The following SH3BP5 variants were observed in gnomAD, a reference collection of about 807,000 sequenced individuals.
SH3BP5 encodes SH3 domain binding protein 5.
A neutral mutation model predicts 43.3 loss-of-function variants in SH3BP5; 22 were observed. The observed-to-expected ratio is 0.51, with a 90% CI of 0.36 to 0.73. The LOEUF (loss-of-function observed/expected upper bound fraction) is 0.73, where lower values mean the gene tolerates loss of function less well. Ranked by LOEUF, SH3BP5 falls within the 30% of genes least tolerant of loss-of-function variation. SH3BP5 has a pLI of 0.00. For synonymous variants in SH3BP5, 255 were observed against 225.8 expected, an observed-to-expected ratio of 1.13 and a Z score of -1.16; for missense variants, 529 against 586.9, an observed-to-expected ratio of 0.90 and a Z score of 1.02.
At chr3:15,314,596 T>G (rs1473554457) in intron 2 of SH3BP5, among the ~76,000 whole-genome samples, 2 of 152,142 alleles carry the variant, frequency 1.3e-5, no homozygotes, top group East Asian at 3.9e-4. Context: ...GGGGTATGGA[T>G]GAAGACCACC....
intron 6 of SH3BP5, chr3:15,259,527 T>C (rs937085358): frequency 9.8e-6 from 6 of 610,486 alleles, no homozygotes; most frequent in Non-Finnish European, 1.8e-5. Flanking sequence ...AAGAGCATGC[T>C]GTGAGAACCA....
chr3:15,312,827 T>C (rs1441514959), intron 2 of SH3BP5, among the ~76,000 whole-genome samples: 1 of 152,190 alleles, frequency 6.6e-6, no homozygotes, highest in African/African-American at 2.4e-5. Context: ...CTGAAAGTCA[T>C]AAGTTGTACC....
intron 7 of SH3BP5, 193 bp downstream of exon 7, chr3:15,258,638 C>T: frequency 1.7e-6 from 1 of 574,276 alleles, no homozygotes; most frequent in South Asian, 2.3e-5. Context: ...CCACAGAATC[C>T]TGACTTTGAG....
intron 2 of SH3BP5, among the ~76,000 whole-genome samples, chr3:15,309,123 T>G (rs116084522): frequency 1.8e-3 from 275 of 152,176 alleles, no homozygotes; most frequent in African/African-American, 6.2e-3. Context: ...TGTCCACAGA[T>G]AGTCACTCAA....
intron 2 of SH3BP5, among the ~76,000 whole-genome samples, chr3:15,307,198 G>T (rs1048807660): frequency 3.3e-5 from 5 of 152,100 alleles, no homozygotes; most frequent in African/African-American, 1.2e-4. Context: ...CTTTCCCCTG[G>T]TTCTGTGCCA....
intron 4 of SH3BP5, among the ~76,000 whole-genome samples, chr3:15,268,523 C>CA (rs1396357617): frequency 6.6e-6 from 1 of 152,124 alleles, no homozygotes; most frequent in Non-Finnish European, 1.5e-5. Context: ...GGAATCTAGA[C>CA]AGAGAATGCA....
rs931776260 is a variant in SH3BP5, at chr3:15,340,365, G to A, written c.-402+858C>T. On this transcript the variant is annotated intron_variant, in intron 1 of 8. Coordinates refer to the SH3BP5 transcript ENST00000408919. Reference sequence around the variant, plus strand: ...CAAGTATTTATTGGCCATCTATTATGTGACAGCCTCTGGCAAGTGAAAATA... The same window carrying A: ...CAAGTATTTATTGGCCATCTATTATATGACAGCCTCTGGCAAGTGAAAATA... 3.3e-5 allele frequency among the ~76,000 whole-genome samples: 5 copies of A among 152,234 alleles called. No homozygotes were observed. In the East Asian group the frequency reaches 7.7e-4, roughly 23 times the overall value.
At chr3:15,300,063 CTCACA>C (rs1376559711) in intron 3 of SH3BP5, among the ~76,000 whole-genome samples, 2 of 152,078 alleles carry the variant, frequency 1.3e-5, no homozygotes, top group African/African-American at 4.8e-5. Flanking sequence ...AGGACCTTCT[CTCACA>C]TAATAATAAT....
intron 2 of SH3BP5, among the ~76,000 whole-genome samples, chr3:15,316,418 T>C (rs1698186711): frequency 6.6e-6 from 1 of 151,762 alleles, no homozygotes; most frequent in African/African-American, 2.4e-5. Flanking sequence ...AGAGACGGGG[T>C]TTCACCATGT....
rs373879792 is a variant in SH3BP5 at position 15,320,640 on chromosome 3, A to ACACACACACACACACACACC, written c.201+9863_201+9864insGGTGTGTGTGTGTGTGTGTG. ...CACACACACACACACACACACACAC[A>ACACACACACACACACACACC]CCCCACTACGTTAAAGTCCCTACAA... On this transcript the variant is annotated intron_variant, in intron 2 of 8. Coordinates refer to ENST00000383791, the MANE Select transcript of SH3BP5 (RefSeq NM_004844.5). 3.9e-3 allele frequency among the ~76,000 whole-genome samples: 583 copies of ACACACACACACACACACACC among 149,566 alleles called. 6 individuals are homozygous for ACACACACACACACACACACC. Among genetic ancestry groups the ACACACACACACACACACACC allele is most frequent in the East Asian group, 0.011 (55 of 5,100 alleles).
chr3:15,274,737 G>C (rs1696916535), intron 3 of SH3BP5, among the ~76,000 whole-genome samples: 1 of 152,154 alleles, frequency 6.6e-6, no homozygotes, highest in African/African-American at 2.4e-5. Flanking sequence ...GTAGAGACAG[G>C]GTTTCGCCAT....
rs771252240 is a variant in SH3BP5 at position 15,304,109 on chromosome 3, C to T, written c.324G>A (p.Ala108=). 39 of 1,613,806 alleles carry T rather than the reference C, an allele frequency of 2.4e-5. No individual in the cohort carries two copies. The highest frequency in any genetic ancestry group is 1.8e-4 in the East Asian group (8 of 44,898). Residue 108 remains alanine (A), a synonymous_variant, in exon 3 of 9, where the codon GCG becomes GCA. Coordinates refer to ENST00000383791, the MANE Select transcript of SH3BP5 (RefSeq NM_004844.5). ...ATCTATGGGGCTATCTTACCTGCCT[C>T]GCCACCCTCCGTGCCTCCCAGTAGG... ...SKPYWEARRV[A]RQAQLEAQKA...
rs763946642 is a variant in SH3BP5 at position 15,258,732 on chromosome 3, CTG to C, written c.889+97_889+98del. 126 of 1,089,540 alleles carry C rather than the reference CTG, an allele frequency of 1.2e-4. 1 individual carries two copies. The highest frequency in any genetic ancestry group is 1.5e-4 in the Non-Finnish European group (113 of 732,598). 67.5% of individuals were successfully genotyped at this position (1,089,540 alleles called of 1,614,324 possible). ...AAATAGCCCTCAGGCCTGCCCAACT[CTG>C]AGACCTTTCACTGATGGCCAGAGAA... On this transcript the variant is annotated intron_variant, in intron 7 of 8. Transcript: ENST00000383791.
chr3:15,259,377 C>CA, intron 6 of SH3BP5: 1 of 516,016 alleles, frequency 1.9e-6, no homozygotes, highest in Non-Finnish European at 3.5e-6. Flanking sequence ...CAGTGGTTCT[C>CA]AAAGTTGAGC....
intron 4 of SH3BP5, among the ~76,000 whole-genome samples, chr3:15,267,963 T>A (rs1696689536): frequency 6.6e-6 from 1 of 152,230 alleles, no homozygotes; most frequent in African/African-American, 2.4e-5. Flanking sequence ...TCAGCTAATT[T>A]CTTGGAAGAA....
rs1490180821 is a variant in SH3BP5 at position 15,289,697 on chromosome 3, T to C, written c.330+14406A>G. On this transcript the variant is annotated intron_variant, in intron 3 of 8. Transcript: ENST00000383791. Reference sequence around the variant, plus strand: ...TTTCAAAATTTCAGGCCACATACCTTCACCCATATATTTTCCTATGGCCTT... The same window carrying C: ...TTTCAAAATTTCAGGCCACATACCTCCACCCATATATTTTCCTATGGCCTT... 2.0e-5 allele frequency among the ~76,000 whole-genome samples: 3 copies of C among 152,308 alleles called. No homozygotes were observed. The East Asian group carries it at 5.8e-4, about 29-fold the overall frequency.
rs140708836 is a variant in SH3BP5 at position 15,327,091 on chromosome 3, G to A, written c.201+3413C>T. 7.2e-5 allele frequency among the ~76,000 whole-genome samples: 11 copies of A among 152,210 alleles called. No individual in the cohort carries two copies. In the East Asian group the frequency reaches 1.5e-3, roughly 21 times the overall value. On this transcript the variant is annotated intron_variant, in intron 2 of 8. Transcript: ENST00000383791. Reference sequence around the variant, plus strand: ...GTACCACAAAAACAAGACTGGGCACGGTGGCTCACACCTGTAATCCCAGCA... The same window carrying A: ...GTACCACAAAAACAAGACTGGGCACAGTGGCTCACACCTGTAATCCCAGCA...
At chr3:15,341,318 C>T (rs1380046238) in exon 1 of SH3BP5, 2 of 152,738 alleles carry the variant, frequency 1.3e-5, no homozygotes, top group East Asian at 1.9e-4. Context: ...CTGACTCCTT[C>T]TCATCATCCA....
intron 4 of SH3BP5, among the ~76,000 whole-genome samples, chr3:15,265,222 CCTCCAGGG>C (rs1161550815): frequency 6.6e-6 from 1 of 152,072 alleles, no homozygotes; most frequent in Non-Finnish European, 1.5e-5. Context: ...ATATACAAAA[CCTCCAGGG>C]CAGCCAGGTG....
Sources: gnomAD v4.1 joint callset for allele counts (sites outside exome capture counted in the v4.1 genomes callset) on GRCh38, gnomAD v4.1.1 for gene constraint, MANE v1.5 for transcripts, NCBI Gene and HGNC (gene_info 2026-07-23, HGNC 2026-07-21) for gene names.